The following LRRIQ3 variants were observed in gnomAD, a reference collection of about 807,000 sequenced individuals.
LRRIQ3 encodes leucine-rich repeat and IQ domain-containing protein 3.
LRRIQ3 carries 75 observed loss-of-function variants against 59.3 expected under a neutral mutation model. That is an observed-to-expected ratio of 1.26 (90% CI 1.05 to 1.53). The LOEUF is 1.53. Among genes scored for constraint, LRRIQ3 ranks in the 40% most tolerant of loss-of-function variants. The pLI is 0.00. For missense variants in LRRIQ3, 831 were observed against 710.0 expected, an observed-to-expected ratio of 1.17 and a Z score of -1.94; for synonymous variants, 250 against 231.3, an observed-to-expected ratio of 1.08 and a Z score of -0.73.
At chr1:74,096,987 CG>C (rs1646458283) in intron 5 of LRRIQ3, among the ~76,000 whole-genome samples, 3 of 152,096 alleles carry the variant, frequency 2.0e-5, no homozygotes, top group African/African-American at 4.8e-5. Context: ...TTAGGCTACT[CG>C]GGGGTCAGGG....
At chr1:74,093,772 G>A (rs1646418379) in intron 5 of LRRIQ3, among the ~76,000 whole-genome samples, 1 of 152,050 alleles carries the variant, frequency 6.6e-6, no homozygotes, top group Non-Finnish European at 1.5e-5. Context: ...AAGGCAGAAA[G>A]AAGAGACAAA....
intron 6 of LRRIQ3, among the ~76,000 whole-genome samples, chr1:74,062,965 T>C (rs1280076513): frequency 6.6e-6 from 1 of 152,104 alleles, no homozygotes; most frequent in Non-Finnish European, 1.5e-5. Context: ...AACATTCATA[T>C]GTTCCCCTGA....
intron 7 of LRRIQ3, among the ~76,000 whole-genome samples, chr1:74,028,361 T>C (rs1373511973): frequency 6.6e-6 from 1 of 152,122 alleles, no homozygotes; most frequent in Non-Finnish European, 1.5e-5. Context: ...TTCTTCATTG[T>C]TAAGGAGATA....
At chr1:74,115,429 T>C (rs978093598) in intron 4 of LRRIQ3, among the ~76,000 whole-genome samples, 1 of 152,166 alleles carries the variant, frequency 6.6e-6, no homozygotes, top group South Asian at 2.1e-4. Flanking sequence ...TAACAGGAAG[T>C]GGCTTTTTAA....
At chr1:74,117,177 A>G (rs902354523) in intron 4 of LRRIQ3, among the ~76,000 whole-genome samples, 1 of 152,162 alleles carries the variant, frequency 6.6e-6, no homozygotes, top group African/African-American at 2.4e-5. Context: ...TTTTCCAGGT[A>G]ACTTTGGCAA....
At chr1:74,034,569 T>C (rs907277213) in intron 7 of LRRIQ3, among the ~76,000 whole-genome samples, 7 of 151,824 alleles carry the variant, frequency 4.6e-5, no homozygotes, top group African/African-American at 1.4e-4. Flanking sequence ...CTAGCTTTCA[T>C]TTTCTTTTCC....
chr1:74,109,700 T>C, intron 4 of LRRIQ3, 147 bp from the exon 5 acceptor site: 4 of 563,116 alleles, frequency 7.1e-6, no homozygotes, highest in Non-Finnish European at 1.1e-5. Flanking sequence ...TGTTATATAA[T>C]GCTACTTAGT....
chr1:74,096,810 C>T (rs1646455058), intron 5 of LRRIQ3, among the ~76,000 whole-genome samples: 1 of 152,228 alleles, frequency 6.6e-6, no homozygotes, highest in South Asian at 2.1e-4. Flanking sequence ...TGCTGGAGGT[C>T]CACTCCAGAC....
intron 1 of LRRIQ3, among the ~76,000 whole-genome samples, chr1:74,184,688 A>T (rs1650242123): frequency 6.6e-6 from 1 of 152,146 alleles, no homozygotes; most frequent in African/African-American, 2.4e-5. Context: ...TCTCATATCT[A>T]CTGTATCAGA....
intron 4 of LRRIQ3, among the ~76,000 whole-genome samples, chr1:74,111,668 A>T (rs1197385567): frequency 6.6e-6 from 1 of 152,084 alleles, no homozygotes; most frequent in African/African-American, 2.4e-5. Context: ...ACAGCAAAAT[A>T]AACATCTATT....
intron 4 of LRRIQ3, among the ~76,000 whole-genome samples, chr1:74,141,123 G>A (rs1647235696): frequency 6.6e-6 from 1 of 151,726 alleles, no homozygotes; most frequent in South Asian, 2.1e-4. Context: ...ATCATAATTT[G>A]CGTCTTTTTA....
chr1:74,069,449 G>A (rs376667078), intron 6 of LRRIQ3, among the ~76,000 whole-genome samples: 43 of 151,974 alleles, frequency 2.8e-4, no homozygotes, highest in Admixed American at 1.6e-3. Flanking sequence ...ATTTAAAAAT[G>A]TCTGACCTAC....
chr1:74,149,444 T>C (rs1168827358), intron 4 of LRRIQ3, among the ~76,000 whole-genome samples: 1 of 152,176 alleles, frequency 6.6e-6, no homozygotes, highest in Non-Finnish European at 1.5e-5. Context: ...ACATAAAAAA[T>C]TGTAATTTTT....
intron 7 of LRRIQ3, 30 bp downstream of exon 7, chr1:74,041,183 A>G (rs1483855409): frequency 1.4e-6 from 2 of 1,465,394 alleles, no homozygotes. Flanking sequence ...ATTGACTTTA[A>G]TGCCTCTGTT....
intron 4 of LRRIQ3, among the ~76,000 whole-genome samples, chr1:74,133,264 G>T (rs900874754): frequency 2.6e-5 from 4 of 152,132 alleles, no homozygotes; most frequent in Admixed American, 6.6e-5. Flanking sequence ...ACTGTTGGTG[G>T]AACTGTAAAC....
At chr1:74,177,943 A>G (rs1649748163) in intron 3 of LRRIQ3, among the ~76,000 whole-genome samples, 1 of 152,002 alleles carries the variant, frequency 6.6e-6, no homozygotes. Context: ...TATATTTATC[A>G]AAGTATTTAT....
At position 74,182,827 on chromosome 1, in the gene LRRIQ3, C is replaced by T; in HGVS notation, c.284G>A (p.Gly95Glu). 1 of 1,554,328 alleles carries T rather than the reference C, an allele frequency of 6.4e-7. No individual in the cohort carries two copies. Among genetic ancestry groups the T allele is most frequent in the Non-Finnish European group, 8.7e-7 (1 of 1,149,786 alleles). ...KSLPNTKFWN[G>E]LKNLKLLYLH... The stretch of plus-strand genomic sequence containing the variant: ...ATAGAGTAGTTTTAGGTTCTTCAAT[C>T]CATTCCAAAATTTGGTATTTGGTAG... The change falls in exon 3 of 8, where the codon GGA (glycine) becomes GAA (glutamate). Residue 95 changes from glycine (G) to glutamate (E), a missense_variant. Coordinates refer to ENST00000354431, the MANE Select transcript of LRRIQ3 (RefSeq NM_001105659.2).
At chr1:74,148,856 T>C (rs895078005) in intron 4 of LRRIQ3, among the ~76,000 whole-genome samples, 1 of 152,108 alleles carries the variant, frequency 6.6e-6, no homozygotes, top group Non-Finnish European at 1.5e-5. Flanking sequence ...TTAAATAAGA[T>C]CAAATCTTTG....
chr1:74,145,671 G>A (rs1191907624), intron 4 of LRRIQ3, among the ~76,000 whole-genome samples: 1 of 151,966 alleles, frequency 6.6e-6, no homozygotes, highest in Non-Finnish European at 1.5e-5. Context: ...AAAGAATTTT[G>A]TAAAATATTC....
Sources: allele counts gnomAD v4.1 joint callset (sites outside exome capture counted in the v4.1 genomes callset), GRCh38; gene constraint gnomAD v4.1.1; transcripts MANE v1.5; gene names NCBI Gene and HGNC (gene_info 2026-07-23, HGNC 2026-07-21).